PRKCD: variants seen among roughly 807,000 people sequenced by gnomAD.
The protein encoded by PRKCD is protein kinase C delta.
In PRKCD, 20 loss-of-function variants were observed where a neutral mutation model predicts 82.2. That is an observed-to-expected ratio of 0.24 (90% CI 0.17 to 0.35). The LOEUF (loss-of-function observed/expected upper bound fraction) is 0.35. PRKCD is among the 10% of genes least tolerant of loss of function. The pLI is 1.00. For synonymous variants in PRKCD, 317 were observed against 337.0 expected (o/e 0.94, Z 0.65); for missense variants, 607 against 899.0 (o/e 0.68, Z 4.15).
chr3:53,179,302 C>G lies in PRKCD; in HGVS notation c.116-275C>G, dbSNP rs533758260. 4.6e-5 allele frequency among the ~76,000 whole-genome samples: 7 copies of G among 152,328 alleles called. No individual in the cohort carries two copies. In the South Asian group the frequency reaches 1.4e-3, roughly 32 times the overall value. On this transcript the variant is annotated intron_variant, in intron 3 of 18. Transcript: ENST00000330452. ...TGGCTGGCATGCAGGAGCTGTCAGC[C>G]CATGTTCCCTGCATGAATGCATAAG...
At chr3:53,181,836 G>A (rs782576778) in intron 7 of PRKCD, 104 bp downstream of exon 7, 2 of 1,532,830 alleles carry the variant, frequency 1.3e-6, no homozygotes, top group Admixed American at 1.8e-5. Flanking sequence ...GAGAGTGTAT[G>A]CACGTGAGTT....
intron 4 of PRKCD, 42 bp downstream of exon 4, chr3:53,179,818 GTC>G (rs1553666933): frequency 1.3e-6 from 2 of 1,540,938 alleles, no homozygotes; most frequent in Non-Finnish European, 1.8e-6. Flanking sequence ...GTGTGTGTGT[GTC>G]TGTGTGTGTG....
intron 2 of PRKCD, among the ~76,000 whole-genome samples, chr3:53,168,184 C>T (rs1170659004): frequency 6.6e-6 from 1 of 152,190 alleles, no homozygotes; most frequent in African/African-American, 2.4e-5. Context: ...CCCCTGGAGT[C>T]AGCCTGTGGG....
At chr3:53,173,206 TGCAGC>T (rs1703097718) in intron 2 of PRKCD, among the ~76,000 whole-genome samples, 1 of 152,208 alleles carries the variant, frequency 6.6e-6, no homozygotes. Context: ...CGTGTGGATG[TGCAGC>T]ACACATACTT....
chr3:53,182,558 C>T (rs189582261), intron 7 of PRKCD, among the ~76,000 whole-genome samples: 7 of 152,262 alleles, frequency 4.6e-5, no homozygotes, highest in African/African-American at 1.4e-4. Context: ...CGTGAGCCAT[C>T]GTGCCTGGCC....
At position 53,169,518 on chromosome 3, in the gene PRKCD, T is replaced by C. The variant is rs1702947750; in HGVS notation, c.-20+4303T>C. Among the ~76,000 whole-genome samples the C allele has an allele frequency of 6.6e-6, 1 of 152,106 alleles. No individual in the cohort carries two copies. On this transcript the variant is annotated intron_variant, in intron 2 of 18. Transcript: ENST00000330452. The surrounding 1 kb of genome is among the most constrained non-coding windows in gnomAD (Gnocchi z 4.7). Reference sequence around the variant, plus strand: ...GCTTTGGATCATGTCTATGGCCGTGTTGGGTAAACAGGCAGAGCAGAGCAG... The same window carrying C: ...GCTTTGGATCATGTCTATGGCCGTGCTGGGTAAACAGGCAGAGCAGAGCAG...
intron 18 of PRKCD, 61 bp from the exon 19 acceptor site, chr3:53,192,047 T>C (rs1703941717): frequency 6.4e-7 from 1 of 1,568,510 alleles, no homozygotes; most frequent in Non-Finnish European, 8.8e-7. Flanking sequence ...GACTCCAGCC[T>C]GGGGTGTCTG....
Position 53,169,698 on chromosome 3 carries a change from C to T in PRKCD, c.-20+4483C>T, listed in dbSNP as rs147902737. 2.3e-3 allele frequency among the ~76,000 whole-genome samples: 355 copies of T among 152,224 alleles called. 2 individuals carry two copies. The highest frequency in any genetic ancestry group is 8.3e-3 in the African/African-American group (343 of 41,532). On this transcript the variant is annotated intron_variant, in intron 2 of 18. Coordinates refer to ENST00000330452, the MANE Select transcript of PRKCD (RefSeq NM_006254.4). This position sits in a 1 kb window ranked among gnomAD's most constrained non-coding sequence, Gnocchi z 4.7. ...TGTTGAGACAGGGAGGCTGGAGCCC[C>T]GGGAGGGGCAGTAGCTGGCCAGCCT... is the stretch of plus-strand genomic sequence containing the variant.
At chr3:53,162,110 G>T (rs1553663104) in intron 1 of PRKCD, among the ~76,000 whole-genome samples, 2 of 151,680 alleles carry the variant, frequency 1.3e-5, no homozygotes, top group Non-Finnish European at 2.9e-5. Context: ...CCGTCTCTGG[G>T]CTGGGCGTGG....
rs1193906330 is a variant in PRKCD at position 53,186,154 on chromosome 3, G to A, written c.1087-13G>A. ...CCGTCCTCACCTGCTCAGCACCCGT[G>A]TCTCCCCATCAGGTGCTGCTTGGAG... On this transcript the variant is annotated splice_polypyrimidine_tract_variant and intron_variant, in intron 12 of 18. Transcript: ENST00000330452. 1.9e-6 allele frequency: 3 copies of A among 1,612,692 alleles called. No homozygotes were observed. The Admixed American group carries it at 5.0e-5, about 27-fold the overall frequency.
At chr3:53,188,065 G>A (rs1323045459) in intron 15 of PRKCD, among the ~76,000 whole-genome samples, 1 of 151,870 alleles carries the variant, frequency 6.6e-6, no homozygotes, top group Non-Finnish European at 1.5e-5. Flanking sequence ...GTGGATGCCT[G>A]TAATCTCAGC....
chr3:53,181,798 T>C, intron 7 of PRKCD, 66 bp downstream of exon 7: 1 of 1,608,042 alleles, frequency 6.2e-7, no homozygotes, highest in Non-Finnish European at 8.5e-7. Context: ...CCAGTGCCTG[T>C]GTGTATGCCA....
chr3:53,184,675 CAA>C (rs535517121), intron 9 of PRKCD, among the ~76,000 whole-genome samples, 197 bp from the exon 10 acceptor site: 8 of 116,770 alleles, frequency 6.9e-5, no homozygotes, highest in Admixed American at 8.6e-5. Context: ...AACTCCATCT[CAA>C]AAAAAAAAAA....
At chr3:53,189,365 G>T in intron 17 of PRKCD, 119 bp downstream of exon 17, 6 of 1,074,146 alleles carry the variant, frequency 5.6e-6, no homozygotes, top group Non-Finnish European at 5.2e-6. Flanking sequence ...TGGTGCTGCA[G>T]TCCTAACATA....
At position 53,185,591 on chromosome 3, in the gene PRKCD, G is replaced by T; in HGVS notation, c.889-13G>T. 1 of 1,611,774 alleles carries T rather than the reference G, an allele frequency of 6.2e-7. No homozygotes were observed. ...TCTGACCATCTGGCCCCCCACCTCT[G>T]CTCCCTCCCCAGAGAGCCTCCCGGA... is the stretch of plus-strand genomic sequence containing the variant. On this transcript the variant is annotated splice_polypyrimidine_tract_variant and intron_variant, in intron 10 of 18. Coordinates refer to ENST00000330452, the MANE Select transcript of PRKCD (RefSeq NM_006254.4).
At chr3:53,191,291 C>T (rs2107291454) in intron 18 of PRKCD, among the ~76,000 whole-genome samples, 1 of 152,114 alleles carries the variant, frequency 6.6e-6, no homozygotes, top group African/African-American at 2.4e-5. Context: ...ACCTGTAATC[C>T]CAGCTACTCA....
intron 9 of PRKCD, among the ~76,000 whole-genome samples, chr3:53,184,376 T>C (rs1446642043): frequency 6.8e-6 from 1 of 146,676 alleles, no homozygotes; most frequent in Non-Finnish European, 1.5e-5. Context: ...ACAAAAATCA[T>C]GAAAGATTGA....
chr3:53,170,937 C>CTGTG (rs3075732), intron 2 of PRKCD, among the ~76,000 whole-genome samples: 14,366 of 149,444 alleles, frequency 0.096, 819 homozygotes, highest in East Asian at 0.22. Context: ...ATGTGTGTTT[C>CTGTG]TGTGTGTGTG....
intron 1 of PRKCD, among the ~76,000 whole-genome samples, chr3:53,163,594 G>A (rs1702744280): frequency 6.6e-6 from 1 of 152,156 alleles, no homozygotes; most frequent in South Asian, 2.1e-4. Flanking sequence ...AATGGAGAGA[G>A]TGAGGACAAA....
Sources: allele counts gnomAD v4.1 joint callset (sites outside exome capture counted in the v4.1 genomes callset), GRCh38; gene constraint gnomAD v4.1.1; non-coding constraint Gnocchi (gnomAD v3.1); transcripts MANE v1.5; gene names NCBI Gene and HGNC (gene_info 2026-07-23, HGNC 2026-07-21).